SPDL1: variants seen among roughly 807,000 people sequenced by gnomAD.
The protein encoded by SPDL1 is protein Spindly.
A neutral mutation model predicts 79.5 loss-of-function variants in SPDL1; 85 were observed. That is an observed-to-expected ratio of 1.07 (90% CI 0.90 to 1.28). SPDL1 has a LOEUF of 1.28. SPDL1 is among the 50% of genes most tolerant of loss of function. SPDL1 has a pLI of 0.00. For synonymous variants in SPDL1, 269 were observed against 240.3 expected, an observed-to-expected ratio of 1.12 and a Z score of -1.10; for missense variants, 703 against 697.8, an observed-to-expected ratio of 1.01 and a Z score of -0.08.
Position 169,601,499 on chromosome 5 carries a change from CT to C in SPDL1, c.1545del (p.Pro516LeufsTer11), listed in dbSNP as rs1323576324. 6.2e-7 allele frequency: 1 copy of C among 1,613,996 alleles called. No homozygotes were observed. Among genetic ancestry groups the C allele is most frequent in the East Asian group, 2.2e-5 (1 of 44,888 alleles). Reference protein sequence around the residue: ...VSIYTPVVSLSPHKNLPVDMQ... With the variant: ...VSIYTPVVSLXPHKNLPVDMQ... The stretch of plus-strand genomic sequence containing the variant: ...ATATACACACCAGTAGTCAGTCTCT[CT>C]CCTCACAAAAATCTGCCCGTGGATA... On this transcript the variant is annotated frameshift_variant, in exon 11 of 12. Transcript: ENST00000265295. LOFTEE classifies it high-confidence loss of function.
chr5:169,588,009 A>G (rs1395365811), intron 1 of SPDL1, among the ~76,000 whole-genome samples: 4 of 152,144 alleles, frequency 2.6e-5, no homozygotes, highest in African/African-American at 9.7e-5. Context: ...ACCTGCTACT[A>G]TGAGGTTTCT....
intron 1 of SPDL1, among the ~76,000 whole-genome samples, chr5:169,588,059 G>C (rs1581283655): frequency 6.6e-6 from 1 of 152,282 alleles, no homozygotes; most frequent in African/African-American, 2.4e-5. Flanking sequence ...TGATTATATG[G>C]ATAGTGGTCC....
rs773943282 is a variant in SPDL1 at position 169,604,256 on chromosome 5, A to G, written c.*49A>G. 6.1e-6 allele frequency: 9 copies of G among 1,468,684 alleles called. No homozygotes were observed. Among genetic ancestry groups the G allele is most frequent in the South Asian group, 4.4e-5 (3 of 68,216 alleles). The allele number at this position is 1,468,684 out of a possible 1,614,324, so 91.0% of individuals were successfully genotyped here. On this transcript the variant is annotated 3_prime_UTR_variant, in exon 12 of 12. Coordinates refer to ENST00000265295, the MANE Select transcript of SPDL1 (RefSeq NM_017785.5). Reference sequence around the variant, plus strand: ...GGTGCCACTTGCCTCAAAAGTTACTATGGTGCTTAAGATTGTCTTGATCTG... The same window carrying G: ...GGTGCCACTTGCCTCAAAAGTTACTGTGGTGCTTAAGATTGTCTTGATCTG...
At position 169,601,365 on chromosome 5, in the gene SPDL1, C is replaced by T. The variant is rs762099751; in HGVS notation, c.1410C>T (p.Asn470=). 51 of 1,614,032 alleles carry T rather than the reference C, an allele frequency of 3.2e-5. 1 individual carries two copies. Among genetic ancestry groups the T allele is most frequent in the Middle Eastern group, 3.3e-4 (2 of 6,062 alleles). ...ITTAKDACVN[N]SALGGEVYRL... is the part of the protein sequence containing the mutation. ...CCGCTAAAGATGCATGTGTCAACAA[C>T]AGTGCTCTCGGGGGAGAAGTTTATC... Residue 470 remains asparagine (N), a synonymous_variant, in exon 11 of 12, where the codon AAC becomes AAT. Coordinates refer to ENST00000265295, the MANE Select transcript of SPDL1 (RefSeq NM_017785.5).
chr5:169,585,782 C>A (rs1048865457), intron 1 of SPDL1, among the ~76,000 whole-genome samples: 18 of 152,196 alleles, frequency 1.2e-4, no homozygotes, highest in African/African-American at 4.1e-4. Context: ...CAGTTAAAGA[C>A]CTTGCTTCCT....
At chr5:169,590,051 G>A (rs2113333875) in intron 2 of SPDL1, among the ~76,000 whole-genome samples, 1 of 152,314 alleles carries the variant, frequency 6.6e-6, no homozygotes, top group Non-Finnish European at 1.5e-5. Flanking sequence ...AACTCCATGA[G>A]AGAGGGAATT....
Position 169,596,548 on chromosome 5 carries a change from T to G in SPDL1, c.892-13T>G. 1 of 1,602,666 alleles carries G rather than the reference T, an allele frequency of 6.2e-7. No individual in the cohort carries two copies. Among genetic ancestry groups the G allele is most frequent in the Non-Finnish European group, 8.5e-7 (1 of 1,175,364 alleles). ...ACTTAATTTTATTAGAGGGGGTAAT[T>G]TTATTTTTCTAGTTACAAATTGCCA... is the stretch of plus-strand genomic sequence containing the variant. On this transcript the variant is annotated splice_polypyrimidine_tract_variant and intron_variant, in intron 7 of 11. Transcript: ENST00000265295.
At chr5:169,602,332 G>A (rs1755973831) in intron 11 of SPDL1, among the ~76,000 whole-genome samples, 1 of 152,234 alleles carries the variant, frequency 6.6e-6, no homozygotes, top group Admixed American at 6.5e-5. Flanking sequence ...TTCTGGATGT[G>A]CGCAGCAGGA....
intron 2 of SPDL1, chr5:169,590,814 G>T (rs1200223508): frequency 1.8e-6 from 1 of 554,126 alleles, no homozygotes; most frequent in Admixed American, 2.2e-5. Flanking sequence ...CCTTGACAAG[G>T]CACAGAAGCA....
Position 169,596,632 on chromosome 5 carries a change from C to T in SPDL1, c.963C>T (p.Ala321=). 1 of 1,606,932 alleles carries T rather than the reference C, an allele frequency of 6.2e-7. No individual in the cohort carries two copies. The highest frequency in any genetic ancestry group is 8.5e-7 in the Non-Finnish European group (1 of 1,177,812). The change falls in exon 8 of 12, where the codon GCC becomes GCT. Residue 321 remains alanine (A), a synonymous_variant. Coordinates refer to ENST00000265295, the MANE Select transcript of SPDL1 (RefSeq NM_017785.5). ...TTGAGCAGCAGGAACGGTTGCTTGC[C>T]ATGTTGGAGCAGAAGAATGGTGAAA... ...TEFEQQERLL[A]MLEQKNGEIK... is the part of the protein sequence containing the mutation.
intron 11 of SPDL1, chr5:169,602,095 T>G: frequency 5.4e-6 from 1 of 185,896 alleles, no homozygotes; most frequent in Admixed American, 5.6e-5. Flanking sequence ...TCAATACTTA[T>G]TTTGACATTT....
At position 169,601,297 on chromosome 5, in the gene SPDL1, G is replaced by C; in HGVS notation, c.1342G>C (p.Val448Leu). 6.2e-7 allele frequency: 1 copy of C among 1,610,414 alleles called. No individual in the cohort carries two copies. The highest frequency in any genetic ancestry group is 8.5e-7 in the Non-Finnish European group (1 of 1,178,814). ...ATTCTCAGAGACAGTTGAAGTGCCT[G>C]TACTGAAAAAGAGGCGTGAGGTGCT... ...YEPEETVEVP[V>L]LKKRREVLPV... is the part of the protein sequence containing the mutation. The change falls in exon 11 of 12, where the codon GTA (valine) becomes CTA (leucine). Residue 448 changes from valine to leucine, a missense_variant. Coordinates refer to ENST00000265295, the MANE Select transcript of SPDL1 (RefSeq NM_017785.5).
chr5:169,601,186 A>G, intron 10 of SPDL1, 94 bp from the exon 11 acceptor site: 1 of 1,088,372 alleles, frequency 9.2e-7, no homozygotes, highest in Admixed American at 2.8e-5. Flanking sequence ...AAAGAATGGA[A>G]AAAGGTATAC....
chr5:169,586,806 T>C lies in SPDL1; in HGVS notation c.-23-1588T>C, dbSNP rs557672335. On this transcript the variant is annotated intron_variant, in intron 1 of 11. Transcript: ENST00000265295. ...TGAGCCATTTCACATGGTCTCTGCT[T>C]CCAGCCTTGTTCCCCTTCTAAACTA... 6.6e-5 allele frequency among the ~76,000 whole-genome samples: 10 copies of C among 152,330 alleles called. No homozygotes were observed. In the East Asian group the frequency reaches 1.9e-3, roughly 29 times the overall value.
intron 8 of SPDL1, among the ~76,000 whole-genome samples, chr5:169,597,995 A>G (rs1260412803): frequency 1.3e-5 from 2 of 152,010 alleles, no homozygotes; most frequent in Non-Finnish European, 2.9e-5. Flanking sequence ...TATAGTTTCC[A>G]TCAGTCTCAG....
Position 169,604,086 on chromosome 5 carries a change from C to T in SPDL1, c.1697C>T (p.Thr566Ile). ...PRLAAESKLQ[T>I]EVKEGKETSS... ...TTAGCTGCTGAATCAAAGCTTCAAA[C>T]AGAAGTTAAAGAAGGAAAAGAAACT... The change falls in exon 12 of 12, where the codon ACA becomes ATA. Residue 566 changes from threonine to isoleucine, a missense_variant. By Grantham distance (89) the Thr-to-Ile change is moderately conservative (BLOSUM62 -1). Coordinates refer to ENST00000265295, the MANE Select transcript of SPDL1 (RefSeq NM_017785.5). The T allele has an allele frequency of 6.2e-7, 1 of 1,611,634 alleles. No individual in the cohort carries two copies.
At chr5:169,594,073 A>T in intron 4 of SPDL1, 72 bp from the exon 5 acceptor site, 1 of 1,303,946 alleles carries the variant, frequency 7.7e-7, no homozygotes, top group African/African-American at 1.5e-5. Flanking sequence ...ACCACAACTG[A>T]GATAAACTGA....
intron 1 of SPDL1, among the ~76,000 whole-genome samples, chr5:169,584,737 A>T (rs1236104592): frequency 4.6e-5 from 7 of 151,500 alleles, no homozygotes; most frequent in African/African-American, 1.7e-4. Flanking sequence ...TCGCGTCTTA[A>T]CTTGCGGGTA....
rs150689580 is a variant in SPDL1 at position 169,594,629 on chromosome 5, A to G, written c.839A>G (p.Gln280Arg). ...CTCATCAGTATGAAAGTCAAGTATCAGTCACTAAAGAAGCAAAATGTATTT... is the reference window on the plus strand; with the variant it reads ...CTCATCAGTATGAAAGTCAAGTATCGGTCACTAAAGAAGCAAAATGTATTT... ...RQLISMKVKY[Q>R]SLKKQNVFNR... Residue 280 changes from glutamine to arginine, a missense_variant, in exon 7 of 12, where the codon CAG (glutamine) becomes CGG (arginine). Transcript: ENST00000265295. 433 of 1,613,958 alleles carry G rather than the reference A, an allele frequency of 2.7e-4. 4 individuals are homozygous for G. The highest frequency in any genetic ancestry group is 2.1e-3 in the South Asian group (187 of 91,070).
Sources: allele counts gnomAD v4.1 joint callset (sites outside exome capture counted in the v4.1 genomes callset), GRCh38; gene constraint gnomAD v4.1.1; transcripts MANE v1.5; gene names NCBI Gene and HGNC (gene_info 2026-07-23, HGNC 2026-07-21).